CNTN4: variants seen among roughly 807,000 people sequenced by gnomAD.
CNTN4 encodes the protein contactin-4.
A neutral mutation model predicts 122.5 loss-of-function variants in CNTN4; 77 were observed. That is an observed-to-expected ratio of 0.63 (90% CI 0.52 to 0.76). CNTN4 has a LOEUF of 0.76. CNTN4 is among the 30% of genes least tolerant of loss of function. The probability of loss-of-function intolerance (pLI) is 0.00; values close to 1 mark genes in which losing one functional copy is unlikely to be tolerated. For synonymous variants in CNTN4, 512 were observed against 447.0 expected (o/e 1.15, Z -1.83); for missense variants, 1,256 against 1,259.1 (o/e 1.00, Z 0.04).
chr3:3,014,085 C>T (rs917226709), intron 14 of CNTN4, among the ~76,000 whole-genome samples: 4 of 150,526 alleles, frequency 2.7e-5, no homozygotes, highest in Non-Finnish European at 4.4e-5. Context: ...CACACACACA[C>T]ACCCCTAGGG....
At chr3:2,715,019 A>C (rs1360902031) in intron 4 of CNTN4, among the ~76,000 whole-genome samples, 1 of 152,224 alleles carries the variant, frequency 6.6e-6, no homozygotes, top group Non-Finnish European at 1.5e-5. Flanking sequence ...ATTAGACTTC[A>C]ACAGCATTTG....
At chr3:2,447,988 C>A (rs1234005753) in intron 3 of CNTN4, among the ~76,000 whole-genome samples, 1 of 152,134 alleles carries the variant, frequency 6.6e-6, no homozygotes, top group Non-Finnish European at 1.5e-5. Flanking sequence ...CCAGGCCTGT[C>A]TAACACAAAA....
At chr3:2,325,050 A>C (rs1479969255) in intron 2 of CNTN4, among the ~76,000 whole-genome samples, 1 of 152,190 alleles carries the variant, frequency 6.6e-6, no homozygotes, top group African/African-American at 2.4e-5. Context: ...AGGGGTAGTG[A>C]AAACTTTCAA....
chr3:2,502,417 T>A (rs956757438), intron 3 of CNTN4, among the ~76,000 whole-genome samples: 3 of 152,114 alleles, frequency 2.0e-5, no homozygotes, highest in African/African-American at 7.2e-5. Context: ...AGGTACTTTC[T>A]TGCACAATTC....
chr3:2,873,939 T>G (rs572836306), intron 8 of CNTN4, among the ~76,000 whole-genome samples: 26 of 152,210 alleles, frequency 1.7e-4, no homozygotes, highest in Non-Finnish European at 3.4e-4. Flanking sequence ...TTTGTGTGGT[T>G]TTGTCACAGC....
At chr3:2,529,281 A>G (rs760265095) in intron 3 of CNTN4, among the ~76,000 whole-genome samples, 42 of 152,088 alleles carry the variant, frequency 2.8e-4, no homozygotes, top group Admixed American at 9.2e-4. Flanking sequence ...ACGTGAGAGG[A>G]TATTACTATT....
At chr3:2,567,380 CT>C (rs1288817491) in intron 3 of CNTN4, among the ~76,000 whole-genome samples, 217 of 151,666 alleles carry the variant, frequency 1.4e-3, no homozygotes, top group Non-Finnish European at 2.2e-4. Context: ...GCCACCGTGC[CT>C]GGCCTCAAGT....
At chr3:2,436,929 A>G (rs2048277609) in intron 3 of CNTN4, among the ~76,000 whole-genome samples, 2 of 151,698 alleles carry the variant, frequency 1.3e-5, no homozygotes, top group Non-Finnish European at 2.9e-5. Flanking sequence ...TTGAGAATAT[A>G]CCTTAGAACT....
intron 4 of CNTN4, among the ~76,000 whole-genome samples, chr3:2,630,414 G>A (rs567556641): frequency 6.6e-6 from 1 of 152,166 alleles, no homozygotes; most frequent in South Asian, 2.1e-4. Context: ...ACTCCAGCCT[G>A]GGCGACAGAT....
chr3:2,496,247 C>T (rs535301731), intron 3 of CNTN4, among the ~76,000 whole-genome samples: 63 of 152,188 alleles, frequency 4.1e-4, no homozygotes, highest in African/African-American at 1.5e-3. Context: ...GATGTGCTTA[C>T]AGTCGATATT....
intron 7 of CNTN4, among the ~76,000 whole-genome samples, chr3:2,848,077 G>A (rs73110927): frequency 0.14 from 21,752 of 151,972 alleles, 1,988 homozygotes; most frequent in East Asian, 0.44. Context: ...GCAAGACCTC[G>A]TCTCTACTAA....
chr3:2,549,054 A>C (rs1453872889), intron 3 of CNTN4, among the ~76,000 whole-genome samples: 1 of 152,180 alleles, frequency 6.6e-6, no homozygotes, highest in Non-Finnish European at 1.5e-5. Context: ...GAAGTTGCTG[A>C]TCAGCTTAAG....
intron 13 of CNTN4, among the ~76,000 whole-genome samples, chr3:2,944,906 C>T (rs1376398536): frequency 1.3e-5 from 2 of 152,120 alleles, no homozygotes; most frequent in African/African-American, 4.8e-5. Context: ...TTCAGCTAGT[C>T]CCACTGAGAG....
intron 3 of CNTN4, among the ~76,000 whole-genome samples, chr3:2,518,889 G>C (rs66479442): frequency 0.15 from 22,946 of 152,024 alleles, 2,037 homozygotes; most frequent in Non-Finnish European, 0.2. Flanking sequence ...CATGGGAGCC[G>C]CCACAGGAAA....
chr3:2,385,616 G>A lies in CNTN4; in HGVS notation c.-89+46383G>A, dbSNP rs1252312080. Among the ~76,000 whole-genome samples the A allele has an allele frequency of 6.6e-6, 1 of 152,086 alleles. No individual in the cohort carries two copies. Among genetic ancestry groups the A allele is most frequent in the Non-Finnish European group, 1.5e-5 (1 of 68,036 alleles). ...GGGAGGGTCGCATCTCTCAGCTTCT[G>A]TTAGCCCCAGTTGTTCTGCAGCTTG... On this transcript the variant is annotated intron_variant, in intron 3 of 24. Coordinates refer to ENST00000418658, the MANE Select transcript of CNTN4 (RefSeq NM_175607.3). This position sits in a 1 kb window ranked among gnomAD's most constrained non-coding sequence, Gnocchi z 4.0.
chr3:3,022,829 C>A (rs17651358), intron 14 of CNTN4, among the ~76,000 whole-genome samples: 9,793 of 152,176 alleles, frequency 0.064, 386 homozygotes, highest in Non-Finnish European at 0.093. Flanking sequence ...ACAGTATGAA[C>A]CAACCACAAG....
intron 3 of CNTN4, among the ~76,000 whole-genome samples, chr3:2,365,201 C>T (rs543159152): frequency 2.3e-4 from 35 of 152,050 alleles, no homozygotes; most frequent in Non-Finnish European, 4.7e-4. Flanking sequence ...TCCTCAATGC[C>T]AAGTTACCTT....
chr3:2,798,728 C>T (rs1292496367), intron 6 of CNTN4, among the ~76,000 whole-genome samples: 1 of 152,096 alleles, frequency 6.6e-6, no homozygotes, highest in African/African-American at 2.4e-5. Flanking sequence ...CCAGGCTGGT[C>T]TCAAACTCCT....
At chr3:2,820,190 C>T (rs1418399538) in intron 7 of CNTN4, among the ~76,000 whole-genome samples, 1 of 152,200 alleles carries the variant, frequency 6.6e-6, no homozygotes, top group African/African-American at 2.4e-5. Flanking sequence ...ACCTCACACA[C>T]TTCTGACTAA....
Sources: allele counts gnomAD v4.1 joint callset (sites outside exome capture counted in the v4.1 genomes callset), GRCh38; gene constraint gnomAD v4.1.1; non-coding constraint Gnocchi (gnomAD v3.1); transcripts MANE v1.5; gene names NCBI Gene and HGNC (gene_info 2026-07-23, HGNC 2026-07-21).